Variants in CKLF observed in about 807,000 individuals in gnomAD.
The protein encoded by CKLF is chemokine like factor.
Under a neutral mutation model 12.9 loss-of-function variants are expected in CKLF, and 16 were observed. That is an observed-to-expected ratio of 1.24 (90% confidence interval 0.84 to 1.88). CKLF has a LOEUF of 1.88. Among genes scored for constraint, CKLF ranks in the 40% most tolerant of loss-of-function variants. CKLF has a pLI of 0.00. For synonymous variants in CKLF, 61 were observed against 69.0 expected (o/e 0.88, Z 0.57); for missense variants, 172 against 188.5 (o/e 0.91, Z 0.51).
chr16:66,565,236 A>G (rs777202718), intron 3 of CKLF, among the ~76,000 whole-genome samples: 18 of 152,314 alleles, frequency 1.2e-4, no homozygotes, highest in African/African-American at 2.4e-4. Flanking sequence ...ACAGCATGCA[A>G]GGAATGACAT....
Position 66,559,429 on chromosome 16 carries a change from G to C in CKLF, c.237+1081G>C, listed in dbSNP as rs1284429674. Among the ~76,000 whole-genome samples, 4 of 152,178 alleles carry C rather than the reference G, an allele frequency of 2.6e-5. No homozygotes were observed. In the East Asian group the frequency reaches 7.7e-4, roughly 29 times the overall value. ...TACACTTCAGAGCTGGACTTCGTTGGAGGGAGGTCTAGGAGAAGAGATTAC... is the reference window on the plus strand; with the variant it reads ...TACACTTCAGAGCTGGACTTCGTTGCAGGGAGGTCTAGGAGAAGAGATTAC... On this transcript the variant is annotated intron_variant, in intron 2 of 3. Coordinates refer to ENST00000264001, the MANE Select transcript of CKLF (RefSeq NM_016951.4).
chr16:66,557,340 G>A (rs562735512), intron 1 of CKLF, among the ~76,000 whole-genome samples: 3 of 151,990 alleles, frequency 2.0e-5, no homozygotes, highest in Non-Finnish European at 2.9e-5. Context: ...GATAATTTTT[G>A]TATTTTTAGT....
chr16:66,564,154 A>G (rs1289932694), intron 3 of CKLF, among the ~76,000 whole-genome samples: 2 of 152,206 alleles, frequency 1.3e-5, no homozygotes, highest in Admixed American at 6.5e-5. Flanking sequence ...ATTTACTTTC[A>G]TTCACTTTTT....
chr16:66,560,253 T>G (rs920313188), intron 2 of CKLF, among the ~76,000 whole-genome samples: 1 of 152,146 alleles, frequency 6.6e-6, no homozygotes, highest in Non-Finnish European at 1.5e-5. Flanking sequence ...TGGTTGGGTA[T>G]TGAGTTGTGA....
chr16:66,555,811 A>G (rs1316431186), intron 1 of CKLF, among the ~76,000 whole-genome samples: 1 of 152,194 alleles, frequency 6.6e-6, no homozygotes, highest in East Asian at 1.9e-4. Context: ...CAGTAGTTGT[A>G]AGGATGAAGA....
chr16:66,553,310 A>G (rs2011268591), intron 1 of CKLF: 1 of 152,548 alleles, frequency 6.6e-6, no homozygotes, highest in African/African-American at 2.4e-5. Context: ...TTTGAAAGAA[A>G]AAAAAAAAAG....
Position 66,558,355 on chromosome 16 carries a change from G to A in CKLF, c.237+7G>A. Reference sequence around the variant, plus strand: ...GTTATTTTGGCCTTTGCTTGTAAGTGTTCAGTTTCATCCTTAAATTTTACT... The same window carrying A: ...GTTATTTTGGCCTTTGCTTGTAAGTATTCAGTTTCATCCTTAAATTTTACT... On this transcript the variant is annotated splice_region_variant and intron_variant, in intron 2 of 3. Transcript: ENST00000264001. 6.3e-7 allele frequency: 1 copy of A among 1,595,730 alleles called. No homozygotes were observed. The highest frequency in any genetic ancestry group is 8.5e-7 in the Non-Finnish European group (1 of 1,175,656).
chr16:66,554,372 C>T (rs113783660), intron 1 of CKLF, among the ~76,000 whole-genome samples: 42 of 152,244 alleles, frequency 2.8e-4, no homozygotes, highest in African/African-American at 9.9e-4. Context: ...CTAAGAGCCA[C>T]CTGAGTAAAG....
At chr16:66,561,541 T>C (rs920771503) in intron 2 of CKLF, among the ~76,000 whole-genome samples, 1 of 152,188 alleles carries the variant, frequency 6.6e-6, no homozygotes, top group Admixed American at 6.5e-5. Flanking sequence ...CAAAGCCATC[T>C]ATAAACCCTT....
intron 2 of CKLF, among the ~76,000 whole-genome samples, chr16:66,560,693 T>A (rs1889048301): frequency 6.7e-6 from 1 of 149,384 alleles, no homozygotes; most frequent in African/African-American, 2.5e-5. Context: ...AGATGAGGAG[T>A]GGCCAGAAAA....
chr16:66,552,837 G>A, intron 1 of CKLF, 44 bp downstream of exon 1: 1 of 1,613,584 alleles, frequency 6.2e-7, no homozygotes, highest in Non-Finnish European at 8.5e-7. Flanking sequence ...GAAGCTGCTG[G>A]GGGGCGGGAG....
At chr16:66,566,114 G>T (rs1031740490), downstream of CKLF, 2 of 1,610,642 alleles carry the variant, frequency 1.2e-6, no homozygotes, top group Non-Finnish European at 1.7e-6. The surrounding 1 kb of genome is among the most constrained non-coding windows in gnomAD (Gnocchi z 4.9). Flanking sequence ...GCTAGAGGAA[G>T]AGATTTCCGA....
chr16:66,552,641 C>T lies in CKLF; in HGVS notation c.-75C>T. The T allele has an allele frequency of 6.2e-7, 1 of 1,607,004 alleles. No individual in the cohort carries two copies. The highest frequency in any genetic ancestry group is 8.5e-7 in the Non-Finnish European group (1 of 1,174,520). On this transcript the variant is annotated 5_prime_UTR_variant, in exon 1 of 4. Transcript: ENST00000264001. ...GCTCCGCCGCGGTGGCGGTTGCTATCGCTTCGCAGAACCTACTCAGGCAGC... is the reference window on the plus strand; with the variant it reads ...GCTCCGCCGCGGTGGCGGTTGCTATTGCTTCGCAGAACCTACTCAGGCAGC...
chr16:66,555,620 A>G (rs2011410846), intron 1 of CKLF, among the ~76,000 whole-genome samples: 1 of 152,256 alleles, frequency 6.6e-6, no homozygotes, highest in Non-Finnish European at 1.5e-5. Context: ...ATTGTGAAGC[A>G]AGTCTTTTCT....
At position 66,565,984 on chromosome 16, in the gene CKLF, T is replaced by C; in HGVS notation, c.432T>C (p.Pro144=). Residue 144 remains proline, a synonymous_variant, in exon 4 of 4, where the codon CCT becomes CCC. Coordinates refer to ENST00000264001, the MANE Select transcript of CKLF (RefSeq NM_016951.4). ...CCAGCGGTCCTTACCAGAAAAAGCC[T>C]GTGCATGAAAAAAAAGAAGTTTTGT... is the stretch of plus-strand genomic sequence containing the variant. ...FNPSGPYQKK[P]VHEKKEVL is the part of the protein sequence containing the mutation. 6.2e-7 allele frequency: 1 copy of C among 1,612,620 alleles called. No homozygotes were observed. Among genetic ancestry groups the C allele is most frequent in the East Asian group, 2.2e-5 (1 of 44,876 alleles).
At chr16:66,563,265 C>T in intron 3 of CKLF, 48 bp downstream of exon 3, 1 of 1,596,942 alleles carries the variant, frequency 6.3e-7, no homozygotes, top group Middle Eastern at 1.7e-4. Flanking sequence ...TATCAGAATG[C>T]AAATTTACTT....
Position 66,552,607 on chromosome 16 carries a change from GAGGGCGGTGCTCCGC to G in CKLF, c.-108_-94del. 6.5e-7 allele frequency: 1 copy of G among 1,547,454 alleles called. No individual in the cohort carries two copies. The highest frequency in any genetic ancestry group is 1.7e-5 in the Admixed American group (1 of 58,770). The stretch of plus-strand genomic sequence containing the variant: ...AAGCCGAGCTGGGCGAGAAGTAGGG[GAGGGCGGTGCTCCGC>G]CGCGGTGGCGGTTGCTATCGCTTCG... On this transcript the variant is annotated 5_prime_UTR_variant, in exon 1 of 4. Transcript: ENST00000264001.
chr16:66,565,466 G>C (rs1324827089), intron 3 of CKLF, among the ~76,000 whole-genome samples: 1 of 152,112 alleles, frequency 6.6e-6, no homozygotes, highest in Non-Finnish European at 1.5e-5. Context: ...TTAATATTGA[G>C]CTGGTGTTAA....
At chr16:66,558,085 G>A in intron 1 of CKLF, 105 bp from the exon 2 acceptor site, 1 of 1,525,706 alleles carries the variant, frequency 6.6e-7, no homozygotes. Context: ...TGGGATTATA[G>A]GCATGACCCA....
Sources: gnomAD v4.1 joint callset for allele counts (sites outside exome capture counted in the v4.1 genomes callset) on GRCh38, gnomAD v4.1.1 for gene constraint, Gnocchi (gnomAD v3.1) non-coding constraint, MANE v1.5 for transcripts, NCBI Gene and HGNC (gene_info 2026-07-23, HGNC 2026-07-21) for gene names.